Variants in NELL2 observed in about 807,000 individuals in gnomAD.
The protein encoded by NELL2 is neural EGFL like 2.
Under a neutral mutation model 109.6 loss-of-function variants are expected in NELL2, and 41 were observed. The ratio of observed to expected loss-of-function variants is 0.37; its 90% CI spans 0.29 to 0.49. The LOEUF is 0.49. NELL2 is among the 20% of genes least tolerant of loss of function. The probability of loss-of-function intolerance (pLI) is 0.98; values close to 1 mark genes in which losing one functional copy is unlikely to be tolerated. For synonymous variants in NELL2, 355 were observed against 344.7 expected (o/e 1.03, Z -0.33); for missense variants, 900 against 1,008.3 (o/e 0.89, Z 1.45).
upstream of NELL2, among the ~76,000 whole-genome samples, chr12:44,877,771 C>T (rs1013180636): frequency 6.6e-6 from 1 of 152,010 alleles, no homozygotes; most frequent in African/African-American, 2.4e-5. Flanking sequence ...TCTCTCTTAT[C>T]GAATTTCCCA....
chr12:44,632,977 GAA>G (rs1055746064), intron 13 of NELL2, among the ~76,000 whole-genome samples: 2 of 150,906 alleles, frequency 1.3e-5, no homozygotes, highest in African/African-American at 2.4e-5. Flanking sequence ...ATCATGTATG[GAA>G]AAAAAACCAA....
chr12:44,894,655 A>C (rs1236455197), intron 1 of NELL2, among the ~76,000 whole-genome samples: 1 of 152,202 alleles, frequency 6.6e-6, no homozygotes, highest in East Asian at 1.9e-4. Flanking sequence ...ACAGATGTGC[A>C]ATGTCAACAT....
intron 9 of NELL2, among the ~76,000 whole-genome samples, chr12:44,757,616 G>GA (rs1204881902): frequency 5.9e-5 from 9 of 152,032 alleles, no homozygotes; most frequent in African/African-American, 1.9e-4. Flanking sequence ...TGTGGGTGCT[G>GA]AAAAAAACAG....
chr12:44,708,746 C>T (rs1014620931), intron 11 of NELL2, among the ~76,000 whole-genome samples: 9 of 152,148 alleles, frequency 5.9e-5, no homozygotes, highest in Non-Finnish European at 1.2e-4. Context: ...GGTTCACAAT[C>T]CTAGCTGTGA....
intron 12 of NELL2, among the ~76,000 whole-genome samples, chr12:44,686,300 C>G (rs1799591788): frequency 6.6e-6 from 1 of 152,156 alleles, no homozygotes; most frequent in African/African-American, 2.4e-5. Flanking sequence ...ATTGGTTATT[C>G]CAGTTATACA....
At chr12:44,633,928 C>T (rs1022790833) in intron 13 of NELL2, among the ~76,000 whole-genome samples, 3 of 151,980 alleles carry the variant, frequency 2.0e-5, no homozygotes, top group African/African-American at 4.8e-5. Context: ...ATTCTTTACC[C>T]TAAGAGAGAA....
At chr12:44,816,613 A>G (rs1423097735) in intron 2 of NELL2, among the ~76,000 whole-genome samples, 1 of 152,236 alleles carries the variant, frequency 6.6e-6, no homozygotes, top group African/African-American at 2.4e-5. Context: ...TGGTTTCTTC[A>G]GCCAGAAGGT....
At chr12:44,715,066 T>C (rs759235744) in intron 9 of NELL2, among the ~76,000 whole-genome samples, 11 of 151,846 alleles carry the variant, frequency 7.2e-5, no homozygotes, top group Admixed American at 1.3e-4. Context: ...GCATATTAAG[T>C]AGTCACTTAG....
At chr12:44,712,409 T>C (rs1592380264) in intron 10 of NELL2, among the ~76,000 whole-genome samples, 1 of 152,152 alleles carries the variant, frequency 6.6e-6, no homozygotes, top group East Asian at 1.9e-4. Context: ...TCTTTTGGTT[T>C]AGTAGTAATA....
intron 12 of NELL2, among the ~76,000 whole-genome samples, chr12:44,672,286 T>G (rs1948167011): frequency 6.6e-6 from 1 of 152,148 alleles, no homozygotes; most frequent in South Asian, 2.1e-4. Flanking sequence ...AGTACTACTG[T>G]CTGAGCTCCT....
chr12:44,632,648 T>A (rs1350528795), intron 13 of NELL2, among the ~76,000 whole-genome samples: 1 of 152,028 alleles, frequency 6.6e-6, no homozygotes, highest in Non-Finnish European at 1.5e-5. Context: ...AAAATCAGAT[T>A]AATTAAATGT....
intron 8 of NELL2, 117 bp from the exon 9 acceptor site, chr12:44,774,966 T>C (rs1363632778): frequency 1.3e-5 from 9 of 705,538 alleles, no homozygotes; most frequent in South Asian, 2.0e-5. Context: ...GAACAGGCCA[T>C]TCATTGCCAG....
chr12:44,739,264 A>G (rs1939813031), intron 9 of NELL2, among the ~76,000 whole-genome samples: 1 of 152,204 alleles, frequency 6.6e-6, no homozygotes, highest in Admixed American at 6.5e-5. Flanking sequence ...AAAATGAAAA[A>G]TACAAACAAG....
At chr12:44,882,813 C>T (rs1474110397) in intron 1 of NELL2, among the ~76,000 whole-genome samples, 1 of 150,258 alleles carries the variant, frequency 6.7e-6, no homozygotes, top group Non-Finnish European at 1.5e-5. Flanking sequence ...CAGGCGTGAG[C>T]CACCATGCCT....
At chr12:44,732,252 A>C (rs976565067) in intron 9 of NELL2, among the ~76,000 whole-genome samples, 2 of 151,990 alleles carry the variant, frequency 1.3e-5, no homozygotes, top group Non-Finnish European at 2.9e-5. Context: ...AAAGGACCCT[A>C]AATAGCTGAA....
chr12:44,827,385 C>G (rs1000461877), intron 2 of NELL2, among the ~76,000 whole-genome samples: 1 of 146,536 alleles, frequency 6.8e-6, no homozygotes, highest in African/African-American at 2.5e-5. Flanking sequence ...CTAGCAAATT[C>G]TAGGTCTTCT....
chr12:44,622,514 A>G (rs11182573), intron 13 of NELL2, among the ~76,000 whole-genome samples: 26,386 of 152,110 alleles, frequency 0.17, 3,577 homozygotes, highest in African/African-American at 0.37. Context: ...AATAAGATTA[A>G]AGAGTACACT....
chr12:44,794,784 A>G (rs114758379), intron 3 of NELL2, among the ~76,000 whole-genome samples: 2,197 of 152,246 alleles, frequency 0.014, 50 homozygotes, highest in African/African-American at 0.05. Context: ...GTAATTTTTA[A>G]CCTTATTTTT....
chr12:44,684,379 C>T (rs1159035005), intron 12 of NELL2, among the ~76,000 whole-genome samples: 1 of 152,054 alleles, frequency 6.6e-6, no homozygotes, highest in East Asian at 1.9e-4. Flanking sequence ...CTCCTGGATT[C>T]GTTAATTTTT....
Sources: gnomAD v4.1 joint callset for allele counts (sites outside exome capture counted in the v4.1 genomes callset) on GRCh38, gnomAD v4.1.1 for gene constraint, MANE v1.5 for transcripts, NCBI Gene and HGNC (gene_info 2026-07-23, HGNC 2026-07-21) for gene names.